YJU2B: variants seen among roughly 807,000 people sequenced by gnomAD.
YJU2B encodes YJU2 splicing factor homolog B, also known as probable splicing factor YJU2B.
YJU2B carries 18 observed loss-of-function variants against 38.0 expected under a neutral mutation model. The ratio of observed to expected loss-of-function variants is 0.47; its 90% CI spans 0.33 to 0.70. YJU2B has a LOEUF of 0.70. YJU2B is among the 30% of genes least tolerant of loss of function. The pLI is 0.02. For missense variants in YJU2B, 538 were observed against 556.3 expected (o/e 0.97, Z 0.33); for synonymous variants, 246 against 225.4 (o/e 1.09, Z -0.82).
At chr19:13,756,360 C>A in intron 4 of YJU2B, 81 bp downstream of exon 4, 1 of 1,075,342 alleles carries the variant, frequency 9.3e-7, no homozygotes, top group Non-Finnish European at 1.4e-6. Flanking sequence ...CCCTCATTGG[C>A]CCAGTGCTGC....
At chr19:13,751,203 G>A (rs1368188649) in intron 1 of YJU2B, among the ~76,000 whole-genome samples, 3 of 152,114 alleles carry the variant, frequency 2.0e-5, no homozygotes, top group Non-Finnish European at 4.4e-5. Context: ...GGATCATGAG[G>A]TAAAGAGATC....
At chr19:13,744,949 T>C (rs388481), upstream of YJU2B, among the ~76,000 whole-genome samples, 91,088 of 150,272 alleles carry the variant, frequency 0.61, 27,771 homozygotes, top group Middle Eastern at 0.72. Context: ...GCCGAGATCA[T>C]GCCACTGCAC....
At chr19:13,737,693 G>A (rs533447136) in intron 2 of YJU2B, among the ~76,000 whole-genome samples, 2 of 151,322 alleles carry the variant, frequency 1.3e-5, no homozygotes, top group South Asian at 4.2e-4. Flanking sequence ...GCTGAGGCAG[G>A]GGAATCGCTG....
At chr19:13,739,050 C>T (rs577399971) in intron 2 of YJU2B, among the ~76,000 whole-genome samples, 12 of 152,208 alleles carry the variant, frequency 7.9e-5, no homozygotes, top group African/African-American at 2.6e-4. Context: ...GGTGACAGAG[C>T]AAGACTCCAT....
intron 4 of YJU2B, among the ~76,000 whole-genome samples, chr19:13,757,151 A>G (rs1174581930): frequency 6.6e-6 from 1 of 151,864 alleles, no homozygotes; most frequent in Non-Finnish European, 1.5e-5. Context: ...AAAAAAAAAA[A>G]GTCGCAGCAG....
upstream of YJU2B, among the ~76,000 whole-genome samples, chr19:13,745,061 G>A (rs139899036): frequency 1.5e-4 from 23 of 152,140 alleles, no homozygotes; most frequent in Non-Finnish European, 2.9e-4. Context: ...ACCCAAAACA[G>A]TATAGCTCAG....
chr19:13,740,097 G>A (rs1449632977), intron 2 of YJU2B, among the ~76,000 whole-genome samples: 1 of 152,154 alleles, frequency 6.6e-6, no homozygotes, highest in Non-Finnish European at 1.5e-5. Context: ...AGAAAATGTG[G>A]CACATATATA....
intron 2 of YJU2B, among the ~76,000 whole-genome samples, chr19:13,738,718 C>T (rs998163301): frequency 6.6e-6 from 1 of 151,960 alleles, no homozygotes; most frequent in Non-Finnish European, 1.5e-5. Flanking sequence ...GGTGAAACCC[C>T]GTCTCTACTA....
chr19:13,744,759 C>T (rs560278859), upstream of YJU2B, among the ~76,000 whole-genome samples: 2 of 152,158 alleles, frequency 1.3e-5, no homozygotes, highest in Admixed American at 6.5e-5. Context: ...TTTGGGAGGC[C>T]GAGACGGGCG....
At position 13,759,081 on chromosome 19, in the gene YJU2B, C is replaced by A; in HGVS notation, c.401-19C>A. ...TGCGCTGGGGCCCCCAAAGCCCAGC[C>A]GAGCTCTGATCGTTGCAGAGCATGA... On this transcript the variant is annotated intron_variant, in intron 7 of 9. Transcript: ENST00000221554. The A allele has an allele frequency of 1.2e-6, 2 of 1,613,134 alleles. No individual in the cohort carries two copies. Among genetic ancestry groups the A allele is most frequent in the Non-Finnish European group, 1.7e-6 (2 of 1,179,616 alleles).
chr19:13,735,336 CTG>C (rs1427219726), intron 2 of YJU2B, among the ~76,000 whole-genome samples: 2 of 152,130 alleles, frequency 1.3e-5, no homozygotes, highest in Non-Finnish European at 2.9e-5. Flanking sequence ...AGACTTGAGT[CTG>C]TTGCCAGTTC....
rs370374967 is a variant in YJU2B at position 13,751,774 on chromosome 19, G to A, written c.-35G>A. The A allele has an allele frequency of 5.6e-6, 9 of 1,613,564 alleles. No homozygotes were observed. The highest frequency in any genetic ancestry group is 1.1e-5 in the South Asian group (1 of 91,082). Reference sequence around the variant, plus strand: ...TCACAAGGCCAGTTTCTGATCGTCCGCCCCGAGGCTGAGGACCAGTAGGCA... The same window carrying A: ...TCACAAGGCCAGTTTCTGATCGTCCACCCCGAGGCTGAGGACCAGTAGGCA... On this transcript the variant is annotated 5_prime_UTR_variant, in exon 2 of 10. Transcript: ENST00000221554.
At chr19:13,749,603 C>G (rs1973377374) in intron 1 of YJU2B, among the ~76,000 whole-genome samples, 1 of 150,906 alleles carries the variant, frequency 6.6e-6, no homozygotes, top group African/African-American at 2.4e-5. Context: ...TTCACAGAGT[C>G]TCTCTTTAGT....
rs771441568 is a variant in YJU2B, at chr19:13,762,560, G to A, written c.713-30G>A. The A allele has an allele frequency of 3.1e-5, 47 of 1,530,524 alleles. No homozygotes were observed. The South Asian group carries it at 3.4e-4, about 11-fold the overall frequency. The allele number at this position is 1,530,524 out of a possible 1,614,324, so 94.8% of individuals were successfully genotyped here. ...GCAGTTCTGGACCCCCTCCCCTGCC[G>A]CCCCTGAAATGTCCTCTCCTCTCCT... On this transcript the variant is annotated intron_variant, in intron 9 of 9. Coordinates refer to ENST00000221554, the MANE Select transcript of YJU2B (RefSeq NM_030818.4).
intron 5 of YJU2B, 120 bp from the exon 6 acceptor site, chr19:13,757,666 T>G: frequency 8.5e-7 from 1 of 1,172,042 alleles, no homozygotes; most frequent in South Asian, 1.2e-5. Flanking sequence ...ATCCCGTCTC[T>G]AACTCCTCCT....
chr19:13,751,662 C>A lies in YJU2B; in HGVS notation c.-147C>A. 2.6e-6 allele frequency: 2 copies of A among 781,674 alleles called. No individual in the cohort carries two copies. The highest frequency in any genetic ancestry group is 2.6e-5 in the East Asian group (1 of 38,614). The allele number at this position is 781,674 out of a possible 1,614,324, so 48.4% of individuals were successfully genotyped here. A position where few individuals can be genotyped will look rare whatever the true frequency, so the allele number is the denominator to read the frequency against. Reference sequence around the variant, plus strand: ...CTGGCGGGAGTCTTGTCTGAGCTGGCACCACCACACGGCCCACGACATCTT... The same window carrying A: ...CTGGCGGGAGTCTTGTCTGAGCTGGAACCACCACACGGCCCACGACATCTT... On this transcript the variant is annotated 5_prime_UTR_variant, in exon 2 of 10. Transcript: ENST00000221554.
intron 1 of YJU2B, among the ~76,000 whole-genome samples, chr19:13,751,086 G>A (rs932953610): frequency 1.3e-5 from 2 of 152,094 alleles, no homozygotes; most frequent in African/African-American, 4.8e-5. Context: ...ATGAATCATG[G>A]GAGGGGTTTA....
At position 13,737,419 on chromosome 19, in the gene YJU2B, G is replaced by A. The variant is rs899551420; in HGVS notation, c.-202+5134G>A. 2.6e-5 allele frequency among the ~76,000 whole-genome samples: 4 copies of A among 151,706 alleles called. No homozygotes were observed. The Admixed American group carries it at 2.6e-4, about 10-fold the overall frequency. On this transcript the variant is annotated intron_variant, in intron 2 of 10. Transcript: ENST00000586600. ...TAGGAGCAGGATCCCAATTCTTCAAGTTCCTGCTCTTCCTGGGTAGTTCAT... is the reference window on the plus strand; with the variant it reads ...TAGGAGCAGGATCCCAATTCTTCAAATTCCTGCTCTTCCTGGGTAGTTCAT...
chr19:13,757,762 C>CACCCCCGCCTG (rs1973722792), intron 5 of YJU2B, 24 bp from the exon 6 acceptor site: 1 of 1,612,876 alleles, frequency 6.2e-7, no homozygotes, highest in African/African-American at 1.3e-5. Context: ...ATGAAATTAC[C>CACCCCCGCCTG]ACCCCCGCCT....
Sources: allele counts gnomAD v4.1 joint callset (sites outside exome capture counted in the v4.1 genomes callset), GRCh38; gene constraint gnomAD v4.1.1; transcripts MANE v1.5; gene names NCBI Gene and HGNC (gene_info 2026-07-23, HGNC 2026-07-21).